The following MPP7 variants were observed in gnomAD, a reference collection of about 807,000 sequenced individuals.
MPP7 encodes the protein MAGUK p55 subfamily member 7.
A neutral mutation model predicts 76.5 loss-of-function variants in MPP7; 60 were observed. The observed-to-expected ratio is 0.78, with a 90% confidence interval of 0.64 to 0.97. The LOEUF (loss-of-function observed/expected upper bound fraction) is 0.97. MPP7 is among the 50% of genes least tolerant of loss of function. The pLI is 0.00. For missense variants in MPP7, 641 were observed against 694.0 expected (o/e 0.92, Z 0.86); for synonymous variants, 237 against 244.5 (o/e 0.97, Z 0.29).
chr10:28,275,401 CTAATA>C (rs1259728780), intron 1 of MPP7, among the ~76,000 whole-genome samples: 14 of 149,242 alleles, frequency 9.4e-5, no homozygotes, highest in African/African-American at 3.5e-4. Flanking sequence ...TGTCACCTTC[CTAATA>C]TTTCTTTTTT....
intron 1 of MPP7, among the ~76,000 whole-genome samples, chr10:28,262,196 T>TACATATAC (rs1839979364): frequency 1.3e-4 from 3 of 23,698 alleles, no homozygotes; most frequent in African/African-American, 3.3e-4. Flanking sequence ...TATATATATA[T>TACATATAC]ATATATATAT....
At position 28,097,947 on chromosome 10, in the gene MPP7, T is replaced by A. The variant is rs184938856; in HGVS notation, c.953-8106A>T. 1.1e-3 allele frequency among the ~76,000 whole-genome samples: 175 copies of A among 152,308 alleles called. 1 individual carries two copies. The highest frequency in any genetic ancestry group is 4.1e-3 in the African/African-American group (169 of 41,578). On this transcript the variant is annotated intron_variant, in intron 11 of 16. Coordinates refer to ENST00000683449, the MANE Select transcript of MPP7 (RefSeq NM_001318170.2). Reference sequence around the variant, plus strand: ...AGTATTCCAGTCACTCCAATTTCTCTTAAGTAAAAAATTTTAAAACTTGGA... The same window carrying A: ...AGTATTCCAGTCACTCCAATTTCTCATAAGTAAAAAATTTTAAAACTTGGA...
At chr10:28,332,807 A>G (rs1006493064) in intron 1 of MPP7, among the ~76,000 whole-genome samples, 1 of 152,040 alleles carries the variant, frequency 6.6e-6, no homozygotes, top group Admixed American at 6.6e-5. Context: ...GACCACAGGC[A>G]CGTGCCACCA....
intron 16 of MPP7, among the ~76,000 whole-genome samples, chr10:28,055,969 A>G (rs929979562): frequency 2.6e-5 from 4 of 152,186 alleles, no homozygotes; most frequent in Non-Finnish European, 4.4e-5. Flanking sequence ...TCTTTCACTG[A>G]TTTTTGTATC....
chr10:28,054,532 T>C (rs1187142139), intron 16 of MPP7, among the ~76,000 whole-genome samples: 3 of 152,170 alleles, frequency 2.0e-5, no homozygotes, highest in Non-Finnish European at 4.4e-5. Context: ...TATGGGGAAA[T>C]GTCAGTATTA....
intron 3 of MPP7, among the ~76,000 whole-genome samples, chr10:28,182,526 T>A (rs147701821): frequency 6.6e-6 from 1 of 152,226 alleles, no homozygotes; most frequent in African/African-American, 2.4e-5. Context: ...CAGAAGGGAC[T>A]GCATGTGTGT....
intron 8 of MPP7, among the ~76,000 whole-genome samples, chr10:28,122,584 T>C (rs1053602890): frequency 3.3e-5 from 5 of 152,184 alleles, no homozygotes; most frequent in Admixed American, 2.0e-4. Flanking sequence ...CTTTCCAATC[T>C]CATATCCTGA....
intron 15 of MPP7, 108 bp from the exon 16 acceptor site, chr10:28,056,731 T>C: frequency 1.2e-6 from 1 of 864,504 alleles, no homozygotes; most frequent in Non-Finnish European, 1.7e-6. Flanking sequence ...AGGTCAGTAG[T>C]CATTTCAATA....
At chr10:28,106,810 C>T (rs1028175472) in intron 11 of MPP7, among the ~76,000 whole-genome samples, 1 of 152,174 alleles carries the variant, frequency 6.6e-6, no homozygotes, top group Non-Finnish European at 1.5e-5. Context: ...CAGATGTTAT[C>T]AGTGATTCCG....
chr10:28,269,117 T>C (rs921544346), intron 1 of MPP7, among the ~76,000 whole-genome samples: 1 of 152,210 alleles, frequency 6.6e-6, no homozygotes, highest in African/African-American at 2.4e-5. Context: ...AAGCCATGGA[T>C]TCAGTGTGAT....
chr10:28,249,090 A>C (rs1839528749), intron 1 of MPP7, among the ~76,000 whole-genome samples: 1 of 152,064 alleles, frequency 6.6e-6, no homozygotes, highest in Admixed American at 6.6e-5. Context: ...GAAAAAATGA[A>C]TGAGTGACTA....
intron 12 of MPP7, among the ~76,000 whole-genome samples, chr10:28,082,078 T>C (rs990810032): frequency 6.6e-6 from 1 of 152,202 alleles, no homozygotes; most frequent in African/African-American, 2.4e-5. Flanking sequence ...AGGAGGACTA[T>C]GACACTTATA....
At chr10:28,156,608 T>C (rs548801768) in intron 3 of MPP7, among the ~76,000 whole-genome samples, 1 of 152,204 alleles carries the variant, frequency 6.6e-6, no homozygotes, top group African/African-American at 2.4e-5. Context: ...AGGCAGACAG[T>C]AACTGTGACC....
intron 11 of MPP7, among the ~76,000 whole-genome samples, chr10:28,098,735 G>A (rs1166856445): frequency 6.6e-6 from 1 of 151,748 alleles, no homozygotes; most frequent in Non-Finnish European, 1.5e-5. Context: ...CAGTGATTAT[G>A]GTAATAGACC....
intron 11 of MPP7, among the ~76,000 whole-genome samples, chr10:28,098,458 G>A (rs1031872876): frequency 1.3e-5 from 2 of 151,720 alleles, no homozygotes; most frequent in Non-Finnish European, 2.9e-5. Flanking sequence ...AGAGAGGGCT[G>A]TGGACAATTA....
intron 1 of MPP7, among the ~76,000 whole-genome samples, chr10:28,276,036 T>C (rs1008387187): frequency 3.3e-5 from 5 of 150,424 alleles, no homozygotes; most frequent in Admixed American, 3.3e-4. Context: ...CATACTTTTT[T>C]TTTTTTTTTT....
chr10:28,162,595 T>A (rs1626856), intron 3 of MPP7, among the ~76,000 whole-genome samples: 113,678 of 152,046 alleles, frequency 0.75, 42,637 homozygotes, highest in Middle Eastern at 0.84. Context: ...GGGGAGCAGG[T>A]TATTAATTCG....
intron 12 of MPP7, among the ~76,000 whole-genome samples, chr10:28,085,555 T>C (rs1852968559): frequency 6.6e-6 from 1 of 152,174 alleles, no homozygotes; most frequent in African/African-American, 2.4e-5. Context: ...AGCAATGCAA[T>C]TAATTATTTA....
At chr10:28,118,201 C>T (rs956073489) in intron 11 of MPP7, 19 of 985,200 alleles carry the variant, frequency 1.9e-5, no homozygotes, top group Admixed American at 6.2e-5. Flanking sequence ...TACCCCCACA[C>T]ACACCTCACC....
Sources: gnomAD v4.1 joint callset for allele counts (sites outside exome capture counted in the v4.1 genomes callset) on GRCh38, gnomAD v4.1.1 for gene constraint, MANE v1.5 for transcripts, NCBI Gene and HGNC (gene_info 2026-07-23, HGNC 2026-07-21) for gene names.